Variants in SCFD2 observed in about 807,000 individuals in gnomAD.
SCFD2 encodes the protein sec1 family domain containing 2.
SCFD2 carries 54 observed loss-of-function variants against 58.9 expected under a neutral mutation model. The observed-to-expected ratio is 0.92, with a 90% CI of 0.74 to 1.15. The LOEUF (loss-of-function observed/expected upper bound fraction) is 1.15, where lower values mean the gene tolerates loss of function less well. Among genes scored for constraint, SCFD2 ranks in the 50% most tolerant of loss-of-function variants. SCFD2 has a pLI of 0.00. For synonymous variants in SCFD2, 321 were observed against 335.9 expected (o/e 0.96, Z 0.49); for missense variants, 805 against 836.6 (o/e 0.96, Z 0.47).
intron 5 of SCFD2, among the ~76,000 whole-genome samples, chr4:52,971,407 A>G (rs1019424971): frequency 2.0e-5 from 3 of 152,244 alleles, no homozygotes. Flanking sequence ...ACTGGAAGAA[A>G]GGGTATCAGT....
At chr4:53,203,548 C>A (rs1259562427) in intron 4 of SCFD2, among the ~76,000 whole-genome samples, 1 of 151,822 alleles carries the variant, frequency 6.6e-6, no homozygotes, top group African/African-American at 2.4e-5. Context: ...TTTTTTTATA[C>A]ATTAATAAAC....
chr4:53,250,772 A>C (rs1328559133), intron 4 of SCFD2, among the ~76,000 whole-genome samples: 1 of 152,246 alleles, frequency 6.6e-6, no homozygotes, highest in Non-Finnish European at 1.5e-5. Context: ...TATAGCACTA[A>C]ATGCCCACAA....
chr4:53,215,719 G>T lies in SCFD2; in HGVS notation c.1311+58107C>A, dbSNP rs1318498078. On this transcript the variant is annotated intron_variant, in intron 4 of 8. Coordinates refer to ENST00000401642, the MANE Select transcript of SCFD2 (RefSeq NM_152540.4). ...TGGTGAGAGAGGGCATCCCTGTCTT[G>T]TGCCAGTTTTCAAAGGGAATGCTTC... is the stretch of plus-strand genomic sequence containing the variant. Among the ~76,000 whole-genome samples, 4 of 152,176 alleles carry T rather than the reference G, an allele frequency of 2.6e-5. No individual in the cohort carries two copies. The South Asian group carries it at 6.2e-4, about 24-fold the overall frequency.
intron 1 of SCFD2, among the ~76,000 whole-genome samples, chr4:53,362,128 A>G (rs1251242803): frequency 6.6e-6 from 1 of 152,164 alleles, no homozygotes; most frequent in Non-Finnish European, 1.5e-5. Flanking sequence ...TAAGGGTAAG[A>G]GAGTGTCAAA....
intron 4 of SCFD2, among the ~76,000 whole-genome samples, chr4:53,205,616 T>C (rs1728380883): frequency 6.6e-6 from 1 of 151,994 alleles, no homozygotes; most frequent in African/African-American, 2.4e-5. Context: ...GGGCAACACT[T>C]TGGGAGGCCG....
intron 4 of SCFD2, among the ~76,000 whole-genome samples, chr4:53,246,142 G>C (rs1306558544): frequency 6.6e-6 from 1 of 151,990 alleles, no homozygotes; most frequent in Non-Finnish European, 1.5e-5. Context: ...TAATCAGGGA[G>C]GGGAAAGATC....
intron 4 of SCFD2, among the ~76,000 whole-genome samples, chr4:53,222,216 G>C (rs1266563017): frequency 6.6e-6 from 1 of 152,170 alleles, no homozygotes; most frequent in African/African-American, 2.4e-5. Flanking sequence ...CTAAAACAGT[G>C]AGAGAAGCAG....
chr4:53,097,949 C>T (rs991441535), intron 5 of SCFD2, among the ~76,000 whole-genome samples: 2 of 152,088 alleles, frequency 1.3e-5, no homozygotes, highest in African/African-American at 4.8e-5. Context: ...TTGTCAAAGG[C>T]CTTTTCTGCA....
intron 5 of SCFD2, among the ~76,000 whole-genome samples, chr4:52,962,776 C>T (rs2109542446): frequency 6.6e-6 from 1 of 152,306 alleles, no homozygotes; most frequent in African/African-American, 2.4e-5. Context: ...CCTGCCTTAG[C>T]CCCAGACTGG....
chr4:53,141,926 A>G (rs1726178943), intron 5 of SCFD2, among the ~76,000 whole-genome samples: 2 of 152,148 alleles, frequency 1.3e-5, no homozygotes, highest in African/African-American at 4.8e-5. Flanking sequence ...GCTGCCCACC[A>G]ACACCGAGGG....
intron 7 of SCFD2, among the ~76,000 whole-genome samples, chr4:52,890,927 A>G (rs768128438): frequency 2.0e-5 from 3 of 152,032 alleles, no homozygotes; most frequent in South Asian, 2.1e-4. Flanking sequence ...CCTCCTCCAC[A>G]TGGTGCTCCT....
chr4:53,037,465 T>C (rs1464118029), intron 5 of SCFD2, among the ~76,000 whole-genome samples: 1 of 152,138 alleles, frequency 6.6e-6, no homozygotes, highest in Non-Finnish European at 1.5e-5. Context: ...TAAAATCTTA[T>C]GTCTCAAGCT....
At chr4:53,308,036 T>C (rs1240720497) in intron 3 of SCFD2, among the ~76,000 whole-genome samples, 1 of 152,184 alleles carries the variant, frequency 6.6e-6, no homozygotes, top group Non-Finnish European at 1.5e-5. Context: ...AGCCCCAGCA[T>C]CACGAAGTGG....
At chr4:53,249,724 G>A (rs1275338352) in intron 4 of SCFD2, among the ~76,000 whole-genome samples, 2 of 152,072 alleles carry the variant, frequency 1.3e-5, no homozygotes, top group African/African-American at 4.8e-5. Flanking sequence ...AAGAGAAGGA[G>A]AAATAAAATA....
chr4:53,348,935 G>C (rs1318476615), intron 2 of SCFD2, among the ~76,000 whole-genome samples: 1 of 151,884 alleles, frequency 6.6e-6, no homozygotes, highest in African/African-American at 2.4e-5. Context: ...TAACCAGGCT[G>C]GTCTCAAACT....
intron 3 of SCFD2, among the ~76,000 whole-genome samples, chr4:53,309,533 GGGA>G (rs901410843): frequency 1.4e-4 from 21 of 152,248 alleles, no homozygotes; most frequent in Admixed American, 3.9e-4. Flanking sequence ...TGGCGGTGCA[GGGA>G]GGAGGAGTCA....
At chr4:52,952,096 T>C (rs559449093) in intron 5 of SCFD2, among the ~76,000 whole-genome samples, 2 of 152,132 alleles carry the variant, frequency 1.3e-5, no homozygotes, top group South Asian at 2.1e-4. Context: ...AGATGCCAGG[T>C]TGGTAAGAGA....
chr4:52,902,842 C>G (rs998335649), intron 7 of SCFD2, among the ~76,000 whole-genome samples: 4 of 152,140 alleles, frequency 2.6e-5, no homozygotes, highest in African/African-American at 9.7e-5. Flanking sequence ...TAGTGTGACT[C>G]CAGATGTGTT....
intron 3 of SCFD2, among the ~76,000 whole-genome samples, chr4:53,281,902 T>A (rs1247373604): frequency 2.0e-5 from 3 of 152,244 alleles, no homozygotes; most frequent in Non-Finnish European, 4.4e-5. Flanking sequence ...AGTATTTGTA[T>A]TTTTACCTAG....
Sources: gnomAD v4.1 joint callset for allele counts (sites outside exome capture counted in the v4.1 genomes callset) on GRCh38, gnomAD v4.1.1 for gene constraint, MANE v1.5 for transcripts, NCBI Gene and HGNC (gene_info 2026-07-23, HGNC 2026-07-21) for gene names.